IL22RA1: variants seen among roughly 807,000 people sequenced by gnomAD.
IL22RA1 encodes interleukin-22 receptor subunit alpha-1.
In IL22RA1, 25 loss-of-function variants were observed where a neutral mutation model predicts 32.8. The observed-to-expected ratio is 0.76, with a 90% CI of 0.55 to 1.06. The LOEUF is 1.06. Ranked by LOEUF, IL22RA1 falls within the 50% of genes least tolerant of loss-of-function variation. IL22RA1 has a pLI of 0.00. For synonymous variants in IL22RA1, 305 were observed against 305.0 expected, an observed-to-expected ratio of 1.00 and a Z score of 0.00; for missense variants, 709 against 727.4, an observed-to-expected ratio of 0.97 and a Z score of 0.29.
At chr1:24,121,816 G>A (rs1242530695) in intron 6 of IL22RA1, 79 bp from the exon 7 acceptor site, 8 of 1,203,978 alleles carry the variant, frequency 6.6e-6, no homozygotes, top group Non-Finnish European at 8.9e-6. Flanking sequence ...GGGTGGGTGA[G>A]GTCCTCCATA....
chr1:24,138,781 A>C, intron 1 of IL22RA1, 67 bp from the exon 2 acceptor site: 1 of 1,556,080 alleles, frequency 6.4e-7, no homozygotes, highest in Non-Finnish European at 8.8e-7. Flanking sequence ...GTATGGGCTC[A>C]GTCAGAGTCC....
At position 24,120,232 on chromosome 1, in the gene IL22RA1, C is replaced by T. The variant is rs1327598171; in HGVS notation, c.*573G>A. The T allele has an allele frequency of 2.0e-5, 3 of 152,332 alleles. No homozygotes were observed. In the East Asian group the frequency reaches 5.8e-4, roughly 29 times the overall value. 9.4% of individuals were successfully genotyped at this position (152,332 alleles called of 1,614,324 possible). Reference sequence around the variant, plus strand: ...GCCCTGGCTGGGAATGAGCTGCAGGCCACACCCCTCCCTAGAGTCCTGCCG... The same window carrying T: ...GCCCTGGCTGGGAATGAGCTGCAGGTCACACCCCTCCCTAGAGTCCTGCCG... On this transcript the variant is annotated 3_prime_UTR_variant, in exon 7 of 7. Coordinates refer to ENST00000270800, the MANE Select transcript of IL22RA1 (RefSeq NM_021258.4).
At chr1:24,134,656 C>T (rs1303844080) in intron 3 of IL22RA1, among the ~76,000 whole-genome samples, 1 of 152,170 alleles carries the variant, frequency 6.6e-6, no homozygotes, top group Non-Finnish European at 1.5e-5. Flanking sequence ...TTGGTCATGC[C>T]TTTGGCTTGC....
At position 24,121,149 on chromosome 1, in the gene IL22RA1, C is replaced by A; in HGVS notation, c.1381G>T (p.Ala461Ser). The A allele has an allele frequency of 6.2e-7, 1 of 1,614,202 alleles. No individual in the cohort carries two copies. The highest frequency in any genetic ancestry group is 8.5e-7 in the Non-Finnish European group (1 of 1,180,036). The stretch of plus-strand genomic sequence containing the variant: ...CCCAGGGGCTGGTGCAATGATTTTG[C>A]TTCTTGGGATTCCTCCATAGCCAAG... ...TSLAMEESQE[A>S]KSLHQPLGIC... The change falls in exon 7 of 7, where the codon GCA becomes TCA. Residue 461 changes from alanine (A) to serine (S), a missense_variant. By Grantham distance (99) the Ala-to-Ser change is moderately conservative. Transcript: ENST00000270800.
chr1:24,123,968 AC>A (rs938364445), intron 5 of IL22RA1, among the ~76,000 whole-genome samples: 65 of 152,226 alleles, frequency 4.3e-4, no homozygotes, highest in African/African-American at 1.5e-3. Context: ...ATGAGGAAGT[AC>A]CCCCAAAAGA....
chr1:24,133,743 CA>C (rs1569575178), intron 4 of IL22RA1, among the ~76,000 whole-genome samples: 1 of 151,880 alleles, frequency 6.6e-6, no homozygotes, highest in African/African-American at 2.4e-5. Context: ...AAATATTATG[CA>C]AAAAAAGCAG....
chr1:24,122,722 C>T (rs752393730), intron 6 of IL22RA1, among the ~76,000 whole-genome samples: 6 of 151,570 alleles, frequency 4.0e-5, no homozygotes, highest in Admixed American at 6.6e-5. Flanking sequence ...CGCTTGAACT[C>T]GGGAGGTGGA....
intron 1 of IL22RA1, 41 bp from the exon 2 acceptor site, chr1:24,138,755 G>C: frequency 6.2e-7 from 1 of 1,603,960 alleles, no homozygotes; most frequent in Non-Finnish European, 8.5e-7. Flanking sequence ...GGCTTTCCCA[G>C]GGTCACCCTG....
chr1:24,136,776 G>A (rs1212535393), intron 3 of IL22RA1, among the ~76,000 whole-genome samples: 1 of 152,206 alleles, frequency 6.6e-6, no homozygotes, highest in Non-Finnish European at 1.5e-5. Flanking sequence ...GGATTTATGT[G>A]TTGAGGAGAT....
intron 3 of IL22RA1, 45 bp downstream of exon 3, chr1:24,137,086 G>T (rs191965661): frequency 1.9e-6 from 3 of 1,579,340 alleles, no homozygotes; most frequent in Non-Finnish European, 1.7e-6. Context: ...AAACACCTGC[G>T]CTTTCCTCTT....
intron 4 of IL22RA1, among the ~76,000 whole-genome samples, chr1:24,133,217 A>G (rs1644218687): frequency 6.6e-6 from 1 of 151,800 alleles, no homozygotes; most frequent in African/African-American, 2.4e-5. Flanking sequence ...GGAAGCCAGT[A>G]CCAATTTCTG....
chr1:24,137,043 C>T (rs1644247125), intron 3 of IL22RA1, 88 bp downstream of exon 3: 1 of 1,310,632 alleles, frequency 7.6e-7, no homozygotes, highest in Non-Finnish European at 1.1e-6. Context: ...ACCCTCCACC[C>T]ACTCCAGAGG....
At chr1:24,126,486 C>CT (rs1557627235) in intron 5 of IL22RA1, among the ~76,000 whole-genome samples, 1 of 152,196 alleles carries the variant, frequency 6.6e-6, no homozygotes, top group Non-Finnish European at 1.5e-5. Flanking sequence ...ATCAGGCTCC[C>CT]AGAGGCTGAG....
chr1:24,123,034 A>G (rs1395763269), intron 6 of IL22RA1, among the ~76,000 whole-genome samples: 7 of 152,016 alleles, frequency 4.6e-5, no homozygotes, highest in African/African-American at 1.7e-4. Flanking sequence ...GTCCCACACT[A>G]CCCTCCTGGT....
In IL22RA1 at chr1:24,143,125, GCA is replaced by G. The variant is rs780859621; in HGVS notation, c.-45_-44del. ...CCTCCCTTGGCCTCTACTCTGCCGT[GCA>G]CAGAGAGAGGGCTGGGAGTCTTGGC... On this transcript the variant is annotated 5_prime_UTR_variant, in exon 1 of 7. Transcript: ENST00000270800. 10 of 1,457,222 alleles carry G rather than the reference GCA, an allele frequency of 6.9e-6. No individual in the cohort carries two copies. The African/African-American group carries it at 1.1e-4, about 17-fold the overall frequency. The allele number at this position is 1,457,222 out of a possible 1,614,324, so 90.3% of individuals were successfully genotyped here. A position where few individuals can be genotyped will look rare whatever the true frequency, so the allele number is the denominator to read the frequency against.
intron 6 of IL22RA1, among the ~76,000 whole-genome samples, chr1:24,123,026 C>A (rs1305085294): frequency 6.6e-6 from 1 of 152,168 alleles, no homozygotes; most frequent in Non-Finnish European, 1.5e-5. Context: ...TCACTCAAGT[C>A]CCACACTACC....
rs781318907 is a variant in IL22RA1, at chr1:24,137,259, C to T, written c.227G>A (p.Arg76Gln). ...VAKKGCQRIT[R>Q]KSCNLTVETG... The stretch of plus-strand genomic sequence containing the variant: ...CTCCACCGTCAGGTTGCAGGACTTC[C>T]GGGTGATCCGCTGACAGCCCTTCTT... Residue 76 changes from arginine (R) to glutamine (Q), a missense_variant, in exon 3 of 7, where the codon CGG (arginine) becomes CAG (glutamine). Transcript: ENST00000270800. 14 of 1,614,012 alleles carry T rather than the reference C, an allele frequency of 8.7e-6. No homozygotes were observed. The highest frequency in any genetic ancestry group is 1.6e-4 in the Middle Eastern group (1 of 6,084).
intron 1 of IL22RA1, among the ~76,000 whole-genome samples, chr1:24,141,564 A>T (rs988047755): frequency 3.9e-5 from 6 of 152,162 alleles, no homozygotes; most frequent in Admixed American, 3.9e-4. Context: ...GGTTGGCACC[A>T]CTTTTCAGGA....
intron 4 of IL22RA1, among the ~76,000 whole-genome samples, chr1:24,129,538 C>T (rs542438905): frequency 1.3e-5 from 2 of 152,316 alleles, no homozygotes; most frequent in African/African-American, 4.8e-5. Flanking sequence ...AGGGCCTAAA[C>T]CTTGAAGCCA....
Sources: allele counts gnomAD v4.1 joint callset (sites outside exome capture counted in the v4.1 genomes callset), GRCh38; gene constraint gnomAD v4.1.1; transcripts MANE v1.5; gene names NCBI Gene and HGNC (gene_info 2026-07-23, HGNC 2026-07-21).